Variants in RIMS2 observed in about 807,000 individuals in gnomAD.
RIMS2 encodes regulating synaptic membrane exocytosis 2.
RIMS2 carries 59 observed loss-of-function variants against 174.4 expected under a neutral mutation model. That is an observed-to-expected ratio of 0.34 (90% CI 0.27 to 0.42). The LOEUF (loss-of-function observed/expected upper bound fraction) is 0.42. Ranked by LOEUF, RIMS2 falls within the 10% of genes least tolerant of loss-of-function variation. The pLI is 1.00. For missense variants in RIMS2, 1,620 were observed against 1,666.3 expected (o/e 0.97, Z 0.48); for synonymous variants, 606 against 572.5 (o/e 1.06, Z -0.84).
chr8:103,671,204 C>T (rs2096740047), intron 1 of RIMS2, among the ~76,000 whole-genome samples: 2 of 152,156 alleles, frequency 1.3e-5, no homozygotes, highest in South Asian at 4.2e-4. Flanking sequence ...AAACCGCCCT[C>T]ATGATTCAGT....
intron 1 of RIMS2, among the ~76,000 whole-genome samples, chr8:103,557,357 T>C (rs1482349155): frequency 2.0e-5 from 3 of 152,194 alleles, no homozygotes; most frequent in African/African-American, 7.2e-5. Flanking sequence ...AAATGTTCCA[T>C]TCCCCTTACC....
intron 11 of RIMS2, 56 bp from the exon 14 acceptor site, chr8:103,931,207 C>T: frequency 7.7e-7 from 1 of 1,306,096 alleles, no homozygotes; most frequent in East Asian, 2.4e-5. Context: ...GAAAAGTAAA[C>T]ATTGTGTTTG....
chr8:103,967,210 T>C (rs893007873), intron 15 of RIMS2, among the ~76,000 whole-genome samples: 4 of 137,200 alleles, frequency 2.9e-5, no homozygotes, highest in African/African-American at 8.5e-5. Context: ...TGAGATAGAG[T>C]TTCACTCTTG....
At chr8:103,716,414 C>T (rs1018723619) in intron 2 of RIMS2, 94 bp downstream of exon 5, 1 of 151,800 alleles carries the variant, frequency 6.6e-6, no homozygotes, top group African/African-American at 2.4e-5. Context: ...ATATACTTCT[C>T]AGTGTTTTGT....
chr8:103,811,850 A>T (rs76363774), intron 3 of RIMS2, among the ~76,000 whole-genome samples: 1,746 of 152,336 alleles, frequency 0.011, 23 homozygotes, highest in South Asian at 0.049. Context: ...ACTCAAACCA[A>T]AGCACAGTAG....
intron 19 of RIMS2, chr8:104,223,808 C>T (rs778298290): frequency 1.3e-6 from 2 of 1,590,508 alleles, no homozygotes; most frequent in Admixed American, 1.7e-5. Flanking sequence ...GACACCCCTT[C>T]CCCCGTAGTT....
chr8:103,910,729 TTTA>T (rs1416831574), intron 5 of RIMS2, among the ~76,000 whole-genome samples, 200 bp downstream of exon 8: 2 of 152,170 alleles, frequency 1.3e-5, no homozygotes, highest in African/African-American at 4.8e-5. Flanking sequence ...CTTTGCTGTT[TTTA>T]TTGTTTGACG....
chr8:103,531,058 A>AT (rs1435030121), intron 1 of RIMS2, among the ~76,000 whole-genome samples: 1 of 151,126 alleles, frequency 6.6e-6, no homozygotes, highest in Non-Finnish European at 1.5e-5. Flanking sequence ...GCAAAACAAG[A>AT]TTATCAGTAG....
chr8:103,786,512 C>T (rs910894625), intron 3 of RIMS2, among the ~76,000 whole-genome samples: 2 of 152,102 alleles, frequency 1.3e-5, no homozygotes, highest in African/African-American at 4.8e-5. Context: ...TTATTTCTGC[C>T]TTCACTTCGT....
chr8:104,206,987 T>A (rs2099083159), intron 19 of RIMS2, among the ~76,000 whole-genome samples: 1 of 152,176 alleles, frequency 6.6e-6, no homozygotes, highest in South Asian at 2.1e-4. Context: ...TTGTCTGACC[T>A]CTTTTTAGAA....
At chr8:104,223,710 A>T (rs938252166) in intron 19 of RIMS2, 1 of 1,591,976 alleles carries the variant, frequency 6.3e-7, no homozygotes, top group African/African-American at 1.3e-5. Context: ...CAGCGCTCCC[A>T]GAGCCGGAGT....
chr8:103,835,400 C>G (rs964091617), intron 3 of RIMS2, among the ~76,000 whole-genome samples: 1 of 152,156 alleles, frequency 6.6e-6, no homozygotes. Flanking sequence ...CGTGCCTGGC[C>G]AAGACTGGGT....
chr8:104,177,238 A>G (rs1271898260), intron 19 of RIMS2, among the ~76,000 whole-genome samples: 1 of 152,156 alleles, frequency 6.6e-6, no homozygotes, highest in Non-Finnish European at 1.5e-5. Context: ...TCAAGGTTTC[A>G]GAGTAATATT....
At chr8:103,996,561 TG>T (rs1193354036) in intron 17 of RIMS2, among the ~76,000 whole-genome samples, 2 of 151,928 alleles carry the variant, frequency 1.3e-5, no homozygotes, top group Admixed American at 6.6e-5. Flanking sequence ...AAATGAATCT[TG>T]GGAAAATCAC....
intron 3 of RIMS2, among the ~76,000 whole-genome samples, chr8:103,870,700 A>G (rs1486872162): frequency 2.0e-5 from 3 of 151,440 alleles, no homozygotes; most frequent in Non-Finnish European, 4.4e-5. Flanking sequence ...CTTACTTCCT[A>G]CATCTAAAGT....
At chr8:103,629,573 A>C (rs1454456027) in intron 1 of RIMS2, among the ~76,000 whole-genome samples, 1 of 152,194 alleles carries the variant, frequency 6.6e-6, no homozygotes, top group Admixed American at 6.5e-5. Context: ...TAATATGTAA[A>C]AGGTACAGGA....
intron 3 of RIMS2, among the ~76,000 whole-genome samples, chr8:103,845,501 A>G (rs1398002994): frequency 6.6e-6 from 1 of 152,132 alleles, no homozygotes; most frequent in Non-Finnish European, 1.5e-5. Flanking sequence ...TCTCTAAATC[A>G]TGTCGTATTA....
chr8:104,021,309 C>A (rs2096079096), intron 19 of RIMS2, among the ~76,000 whole-genome samples: 1 of 152,028 alleles, frequency 6.6e-6, no homozygotes, highest in Admixed American at 6.6e-5. Flanking sequence ...AAAGTTAAAT[C>A]ATGTAAATAT....
intron 2 of RIMS2, among the ~76,000 whole-genome samples, chr8:103,702,129 A>T (rs1185984644): frequency 3.9e-5 from 6 of 152,012 alleles, no homozygotes; most frequent in Non-Finnish European, 8.8e-5. Context: ...TGTGATTTTG[A>T]TGAGGGTGAG....
Sources: gnomAD v4.1 joint callset for allele counts (sites outside exome capture counted in the v4.1 genomes callset) on GRCh38, gnomAD v4.1.1 for gene constraint, MANE v1.5 for transcripts, NCBI Gene and HGNC (gene_info 2026-07-23, HGNC 2026-07-21) for gene names.